The following SPRED1 variants were observed in gnomAD, a reference collection of about 807,000 sequenced individuals.
SPRED1 encodes sprouty related EVH1 domain containing 1.
A neutral mutation model predicts 52.3 loss-of-function variants in SPRED1; 18 were observed. The observed-to-expected ratio is 0.34, with a 90% CI of 0.24 to 0.51. The LOEUF is 0.51. Ranked by LOEUF, SPRED1 falls within the 20% of genes least tolerant of loss-of-function variation. SPRED1 has a pLI of 0.97. For synonymous variants in SPRED1, 155 were observed against 179.7 expected (o/e 0.86, Z 1.10); for missense variants, 485 against 551.0 (o/e 0.88, Z 1.20).
At chr15:38,349,351 A>G in intron 5 of SPRED1, 71 bp from the exon 6 acceptor site, 1 of 1,179,904 alleles carries the variant, frequency 8.5e-7, no homozygotes. Context: ...GAGGTTTTGG[A>G]ACATACACTG....
intron 5 of SPRED1, among the ~76,000 whole-genome samples, chr15:38,346,173 A>G (rs770486681): frequency 4.6e-5 from 7 of 152,030 alleles, no homozygotes; most frequent in Non-Finnish European, 7.4e-5. Flanking sequence ...TCCATCTCAT[A>G]TATCATGGTG....
intron 1 of SPRED1, among the ~76,000 whole-genome samples, chr15:38,264,489 G>A (rs929217679): frequency 6.6e-6 from 1 of 152,208 alleles, no homozygotes; most frequent in Admixed American, 6.5e-5. Context: ...TGGCTCCAGA[G>A]TGATGACATG....
intron 3 of SPRED1, among the ~76,000 whole-genome samples, 180 bp from the exon 4 acceptor site, chr15:38,324,583 A>G (rs1331582601): frequency 6.6e-6 from 1 of 152,144 alleles, no homozygotes; most frequent in Non-Finnish European, 1.5e-5. Flanking sequence ...AAATAATTAC[A>G]TTATTCTCCA....
intron 3 of SPRED1, among the ~76,000 whole-genome samples, 174 bp from the exon 4 acceptor site, chr15:38,324,589 C>T (rs1195084483): frequency 6.6e-6 from 1 of 152,104 alleles, no homozygotes; most frequent in Non-Finnish European, 1.5e-5. Context: ...TTACATTATT[C>T]TCCATTATTC....
At chr15:38,329,441 G>C (rs1386044370) in intron 4 of SPRED1, among the ~76,000 whole-genome samples, 2 of 152,108 alleles carry the variant, frequency 1.3e-5, no homozygotes, top group Admixed American at 6.6e-5. Context: ...TTTTAATAAG[G>C]CTCTATATCT....
intron 1 of SPRED1, among the ~76,000 whole-genome samples, chr15:38,257,701 A>T (rs931975373): frequency 1.3e-5 from 2 of 152,198 alleles, no homozygotes; most frequent in Non-Finnish European, 2.9e-5. Context: ...AGGAATATGT[A>T]TCTCCAGCTG....
At chr15:38,258,239 T>G (rs997729005) in intron 1 of SPRED1, among the ~76,000 whole-genome samples, 1 of 152,230 alleles carries the variant, frequency 6.6e-6, no homozygotes, top group Non-Finnish European at 1.5e-5. Context: ...AGCACTGTTA[T>G]AAATGCTTTA....
chr15:38,308,078 G>A (rs1024172045), intron 2 of SPRED1, among the ~76,000 whole-genome samples: 15 of 152,146 alleles, frequency 9.9e-5, no homozygotes, highest in African/African-American at 3.4e-4. Flanking sequence ...GTTGTCTTGA[G>A]ATGTCCTTTA....
At chr15:38,318,218 T>C (rs1254359877) in intron 2 of SPRED1, among the ~76,000 whole-genome samples, 1 of 152,148 alleles carries the variant, frequency 6.6e-6, no homozygotes, top group Non-Finnish European at 1.5e-5. Context: ...ACATTAAATA[T>C]ATAATGCCAA....
At chr15:38,259,481 A>G (rs1260628736) in intron 1 of SPRED1, among the ~76,000 whole-genome samples, 3 of 152,182 alleles carry the variant, frequency 2.0e-5, no homozygotes, top group Admixed American at 6.5e-5. Flanking sequence ...CCTTGGCTCA[A>G]GTGATCCTCT....
intron 1 of SPRED1, among the ~76,000 whole-genome samples, chr15:38,277,275 C>T (rs761195793): frequency 2.0e-5 from 3 of 152,090 alleles, no homozygotes; most frequent in Non-Finnish European, 4.4e-5. Context: ...GTTCCCTCCT[C>T]CCACCCTCAA....
At chr15:38,323,165 T>G (rs1371858399) in intron 3 of SPRED1, among the ~76,000 whole-genome samples, 1 of 152,124 alleles carries the variant, frequency 6.6e-6, no homozygotes, top group African/African-American at 2.4e-5. Flanking sequence ...ATTTTGAAGA[T>G]GTCATTTTAA....
At chr15:38,260,793 A>G (rs1007079346) in intron 1 of SPRED1, among the ~76,000 whole-genome samples, 1 of 152,220 alleles carries the variant, frequency 6.6e-6, no homozygotes, top group Admixed American at 6.5e-5. Context: ...AAAAACATCC[A>G]TGACACAAAA....
At chr15:38,315,726 G>C (rs1227668238) in intron 2 of SPRED1, among the ~76,000 whole-genome samples, 1 of 151,808 alleles carries the variant, frequency 6.6e-6, no homozygotes, top group East Asian at 1.9e-4. Flanking sequence ...CTTAATAGTT[G>C]TATCTGTCAC....
chr15:38,288,975 A>G (rs374472442), intron 1 of SPRED1, among the ~76,000 whole-genome samples: 27 of 152,296 alleles, frequency 1.8e-4, no homozygotes, highest in East Asian at 5.8e-4. Flanking sequence ...TAGTTTACCA[A>G]TATTCCAAAT....
chr15:38,289,425 G>C (rs1450556138), intron 1 of SPRED1, among the ~76,000 whole-genome samples: 1 of 140,458 alleles, frequency 7.1e-6, no homozygotes, highest in Non-Finnish European at 1.5e-5. Context: ...TTTTTTTCCT[G>C]TTATATGCCA....
At chr15:38,282,175 G>A (rs1317770670) in intron 1 of SPRED1, among the ~76,000 whole-genome samples, 1 of 151,984 alleles carries the variant, frequency 6.6e-6, no homozygotes, top group Non-Finnish European at 1.5e-5. Flanking sequence ...CATTCATTAA[G>A]TTAACATTTC....
intron 2 of SPRED1, among the ~76,000 whole-genome samples, chr15:38,319,734 AG>A: frequency 6.6e-6 from 1 of 152,240 alleles, no homozygotes; most frequent in Admixed American, 6.5e-5. Context: ...AAAAGTCTTG[AG>A]AGAATTTCAC....
chr15:38,315,585 C>T (rs1895460912), intron 2 of SPRED1, among the ~76,000 whole-genome samples: 1 of 140,134 alleles, frequency 7.1e-6, no homozygotes, highest in Non-Finnish European at 1.6e-5. Context: ...CCCTTTTTTC[C>T]CCCTCTGTAA....
Sources: gnomAD v4.1 joint callset for allele counts (sites outside exome capture counted in the v4.1 genomes callset) on GRCh38, gnomAD v4.1.1 for gene constraint, MANE v1.5 for transcripts, NCBI Gene and HGNC (gene_info 2026-07-23, HGNC 2026-07-21) for gene names.